Variants in SDK1 observed in about 807,000 individuals in gnomAD.
SDK1 encodes the protein sidekick cell adhesion molecule 1, also known as protein sidekick-1.
In SDK1, 157 loss-of-function variants were observed where a neutral mutation model predicts 245.5. That is an observed-to-expected ratio of 0.64 (90% CI 0.56 to 0.73). SDK1 has a LOEUF of 0.73. SDK1 is among the 30% of genes least tolerant of loss of function. The pLI, the probability that SDK1 is intolerant of heterozygous loss-of-function variation, is 0.00. For synonymous variants in SDK1, 1,647 were observed against 1,278.5 expected, an observed-to-expected ratio of 1.29 and a Z score of -6.15; for missense variants, 3,583 against 3,002.3, an observed-to-expected ratio of 1.19 and a Z score of -4.52.
Position 4,026,354 on chromosome 7 carries a change from G to T in SDK1, c.2602+9002G>T, listed in dbSNP as rs983125777. 6.6e-6 allele frequency among the ~76,000 whole-genome samples: 1 copy of T among 152,252 alleles called. No homozygotes were observed. The highest frequency in any genetic ancestry group is 2.4e-5 in the African/African-American group (1 of 41,468). On this transcript the variant is annotated intron_variant, in intron 17 of 44. Transcript: ENST00000404826. The surrounding 1 kb of genome is among the most constrained non-coding windows in gnomAD (Gnocchi z 4.1). ...CTTGGGCCCATGTTTTAGAAGCTCA[G>T]CGTTTGGCATGGGCGAAGATATATT...
intron 1 of SDK1, among the ~76,000 whole-genome samples, chr7:3,467,570 A>G (rs1329927865): frequency 2.6e-5 from 4 of 151,980 alleles, no homozygotes; most frequent in African/African-American, 4.8e-5. Flanking sequence ...ATTATAGTAA[A>G]TTATTTTAAA....
rs1032433850 is a variant in SDK1, at chr7:3,590,766, C to A, written c.299-28314C>A. On this transcript the variant is annotated intron_variant, in intron 1 of 44. Transcript: ENST00000404826. ...AGATTTAATGGGTCTGCAGTGAGGG[C>A]TGAGTATAGCACTTTTTTTTTTTTT... Among the ~76,000 whole-genome samples, 3 of 146,700 alleles carry A rather than the reference C, an allele frequency of 2.0e-5. No homozygotes were observed. The East Asian group carries it at 6.0e-4, about 29-fold the overall frequency.
chr7:3,499,048 A>G (rs1003267718), intron 1 of SDK1, among the ~76,000 whole-genome samples: 10 of 152,200 alleles, frequency 6.6e-5, no homozygotes, highest in African/African-American at 2.2e-4. Flanking sequence ...TTAAAATCTG[A>G]TGTTGCATAT....
At chr7:4,190,027 C>G (rs1783101397) in intron 35 of SDK1, among the ~76,000 whole-genome samples, 1 of 152,116 alleles carries the variant, frequency 6.6e-6, no homozygotes, top group Non-Finnish European at 1.5e-5. Flanking sequence ...GTTTCAGCTC[C>G]CGCTAGTGAC....
chr7:3,807,839 C>A (rs1779289782), intron 4 of SDK1, among the ~76,000 whole-genome samples: 1 of 152,204 alleles, frequency 6.6e-6, no homozygotes, highest in Admixed American at 6.5e-5. Context: ...TGCTTCCTTT[C>A]TGTAACATGG....
chr7:3,354,879 G>A (rs757235697), intron 1 of SDK1, among the ~76,000 whole-genome samples: 6 of 152,182 alleles, frequency 3.9e-5, no homozygotes, highest in Non-Finnish European at 5.9e-5. Flanking sequence ...ACTTGATCAC[G>A]TTAAAGAGGC....
intron 35 of SDK1, among the ~76,000 whole-genome samples, chr7:4,200,021 G>T (rs1783798904): frequency 6.6e-6 from 1 of 152,152 alleles, no homozygotes; most frequent in African/African-American, 2.4e-5. Flanking sequence ...CTTGAACCCA[G>T]GAGGCAGAGG....
chr7:4,263,553 G>A lies in SDK1; in HGVS notation c.6382-1571G>A, dbSNP rs1340492706. On this transcript the variant is annotated intron_variant, in intron 44 of 44. Transcript: ENST00000404826. The stretch of plus-strand genomic sequence containing the variant: ...GAGGCCGCGTAGACGCCTCCTGAGT[G>A]GGGAGGCCGCGTAGACCTCTCCTGA... Among the ~76,000 whole-genome samples the A allele has an allele frequency of 2.8e-4, 22 of 79,816 alleles. 1 individual carries two copies. Among genetic ancestry groups the A allele is most frequent in the African/African-American group, 1.2e-3 (21 of 16,918 alleles). The allele number at this position is 79,816 out of a possible 152,430, so 52.4% of individuals were successfully genotyped here.
At chr7:3,516,867 T>C (rs544162243) in intron 1 of SDK1, among the ~76,000 whole-genome samples, 49 of 152,218 alleles carry the variant, frequency 3.2e-4, no homozygotes, top group Non-Finnish European at 5.9e-4. Context: ...TTATCACCCA[T>C]TATTTGGGGA....
chr7:4,137,542 C>G (rs1308602229), intron 28 of SDK1, among the ~76,000 whole-genome samples: 2 of 152,190 alleles, frequency 1.3e-5, no homozygotes, highest in Admixed American at 1.3e-4. Flanking sequence ...CCACCTCCGT[C>G]TTCCAGGTGT....
intron 36 of SDK1, among the ~76,000 whole-genome samples, chr7:4,207,865 G>T (rs886731): frequency 0.096 from 14,606 of 152,198 alleles, 739 homozygotes; most frequent in South Asian, 0.16. Flanking sequence ...GTGAGCAACA[G>T]GAAAATGTTA....
intron 1 of SDK1, among the ~76,000 whole-genome samples, chr7:3,366,160 T>C (rs900497621): frequency 2.0e-5 from 3 of 152,206 alleles, no homozygotes; most frequent in East Asian, 1.9e-4. Context: ...ATTAATTCTT[T>C]CCATATAAAT....
intron 5 of SDK1, among the ~76,000 whole-genome samples, chr7:3,932,731 G>C (rs985723774): frequency 6.6e-6 from 1 of 152,212 alleles, no homozygotes. Flanking sequence ...GCATCCCTGT[G>C]CCTGGCTCGT....
chr7:3,798,664 G>A (rs977910936), intron 4 of SDK1, among the ~76,000 whole-genome samples: 5 of 152,120 alleles, frequency 3.3e-5, no homozygotes, highest in African/African-American at 9.7e-5. Flanking sequence ...GCGACAGGGT[G>A]GTCACTCGGC....
chr7:4,044,231 A>C (rs2128163778), intron 17 of SDK1, among the ~76,000 whole-genome samples: 1 of 152,290 alleles, frequency 6.6e-6, no homozygotes, highest in East Asian at 1.9e-4. Flanking sequence ...TGGGCTGTCC[A>C]CTGGGCAGCT....
intron 1 of SDK1, among the ~76,000 whole-genome samples, chr7:3,603,039 A>G (rs977398962): frequency 1.3e-5 from 2 of 152,024 alleles, no homozygotes; most frequent in East Asian, 1.9e-4. Flanking sequence ...CCATTGATCT[A>G]TATCTCTGTT....
chr7:3,529,543 C>G (rs981655390), intron 1 of SDK1, among the ~76,000 whole-genome samples: 1 of 151,772 alleles, frequency 6.6e-6, no homozygotes, highest in Non-Finnish European at 1.5e-5. Context: ...GGGAGAGAAG[C>G]AAAGTTTGTT....
At chr7:3,607,385 G>A (rs183757846) in intron 1 of SDK1, among the ~76,000 whole-genome samples, 9 of 152,192 alleles carry the variant, frequency 5.9e-5, no homozygotes, top group Middle Eastern at 3.4e-3. Flanking sequence ...AAATATGTGC[G>A]TTAGTAAAAC....
intron 1 of SDK1, among the ~76,000 whole-genome samples, chr7:3,425,175 TTC>T (rs1311997625): frequency 6.6e-6 from 1 of 151,860 alleles, no homozygotes; most frequent in East Asian, 1.9e-4. Context: ...GAAAATTACC[TTC>T]TGTTTTTCTT....
Sources: gnomAD v4.1 joint callset for allele counts (sites outside exome capture counted in the v4.1 genomes callset) on GRCh38, gnomAD v4.1.1 for gene constraint, Gnocchi (gnomAD v3.1) non-coding constraint, MANE v1.5 for transcripts, NCBI Gene and HGNC (gene_info 2026-07-23, HGNC 2026-07-21) for gene names.